Variants in DCC observed in about 807,000 individuals in gnomAD.
The protein encoded by DCC is DCC netrin 1 receptor, also known as netrin receptor DCC.
In DCC, 58 loss-of-function variants were observed where a neutral mutation model predicts 172.5. That is an observed-to-expected ratio of 0.34 (90% confidence interval 0.27 to 0.42). DCC has a LOEUF of 0.42. Among genes scored for constraint, DCC ranks in the 10% least tolerant of loss-of-function variants. DCC has a pLI of 1.00. For missense variants in DCC, 1,740 were observed against 1,791.0 expected (o/e 0.97, Z 0.51); for synonymous variants, 709 against 644.5 (o/e 1.10, Z -1.52).
intron 1 of DCC, among the ~76,000 whole-genome samples, chr18:52,659,818 C>T (rs941884887): frequency 1.3e-5 from 2 of 151,566 alleles, no homozygotes; most frequent in African/African-American, 4.8e-5. Flanking sequence ...CAACAATGCA[C>T]GTTCATTGCA....
rs190741378 is a variant in DCC at position 52,887,378 on chromosome 18, T to C, written c.413-18666T>C. ...AGCCAAACATATTATTTTCTATCCT[T>C]TGTGCTGCCTAATGCTTTATATTAG... On this transcript the variant is annotated intron_variant, in intron 2 of 28. Transcript: ENST00000442544. Among the ~76,000 whole-genome samples, 294 of 152,256 alleles carry C rather than the reference T, an allele frequency of 1.9e-3. 2 individuals are homozygous for C. The highest frequency in any genetic ancestry group is 2.2e-3 in the Non-Finnish European group (149 of 68,016).
intron 13 of DCC, among the ~76,000 whole-genome samples, chr18:53,306,541 A>T (rs899690110): frequency 1.3e-5 from 2 of 152,206 alleles, no homozygotes; most frequent in Admixed American, 1.3e-4. Context: ...TTGAGAAGCC[A>T]CATGAACTAT....
intron 2 of DCC, among the ~76,000 whole-genome samples, chr18:52,898,680 C>T (rs1408338906): frequency 3.4e-5 from 5 of 146,938 alleles, no homozygotes; most frequent in South Asian, 2.2e-4. Flanking sequence ...CCATTCATTG[C>T]CATGGTGATT....
At chr18:52,730,648 T>C (rs1266498457) in intron 1 of DCC, among the ~76,000 whole-genome samples, 1 of 152,172 alleles carries the variant, frequency 6.6e-6, no homozygotes, top group Admixed American at 6.5e-5. Context: ...GAGTACAGCA[T>C]GACCATGCAA....
chr18:52,616,038 C>A (rs1323313451), intron 1 of DCC, among the ~76,000 whole-genome samples: 1 of 152,060 alleles, frequency 6.6e-6, no homozygotes, highest in African/African-American at 2.4e-5. Flanking sequence ...TTTCTGTATA[C>A]CCCTCACTGA....
At chr18:53,250,348 T>C (rs1421697527) in intron 12 of DCC, among the ~76,000 whole-genome samples, 1 of 149,974 alleles carries the variant, frequency 6.7e-6, no homozygotes, top group Non-Finnish European at 1.5e-5. Context: ...ATTTCAGTTT[T>C]CTTTTTTAAT....
At chr18:53,195,131 T>C (rs1337268851) in intron 9 of DCC, among the ~76,000 whole-genome samples, 2 of 152,202 alleles carry the variant, frequency 1.3e-5, no homozygotes. Flanking sequence ...GATACACTAA[T>C]ATCAAGTAGG....
intron 1 of DCC, among the ~76,000 whole-genome samples, chr18:52,599,488 A>T (rs185237100): frequency 8.5e-5 from 13 of 152,130 alleles, no homozygotes; most frequent in African/African-American, 3.1e-4. Context: ...TTCACATGTC[A>T]AGTAATATTA....
intron 9 of DCC, among the ~76,000 whole-genome samples, chr18:53,181,555 T>C (rs2055197279): frequency 6.6e-6 from 1 of 152,156 alleles, no homozygotes; most frequent in South Asian, 2.1e-4. Flanking sequence ...ATTCTGCTAT[T>C]TTAATATAAT....
At chr18:53,156,461 T>A (rs896118552) in intron 7 of DCC, among the ~76,000 whole-genome samples, 2 of 151,326 alleles carry the variant, frequency 1.3e-5, no homozygotes, top group Non-Finnish European at 2.9e-5. Context: ...CCAGCTTGGG[T>A]TGCAGAGCAA....
At chr18:52,803,979 A>T (rs2038040651) in intron 2 of DCC, among the ~76,000 whole-genome samples, 1 of 152,088 alleles carries the variant, frequency 6.6e-6, no homozygotes, top group Non-Finnish European at 1.5e-5. Context: ...GGGCACCAGC[A>T]TGGTGGTGGT....
At chr18:53,418,614 CTAAA>C (rs1049323087) in intron 21 of DCC, among the ~76,000 whole-genome samples, 1 of 151,958 alleles carries the variant, frequency 6.6e-6, no homozygotes, top group Non-Finnish European at 1.5e-5. Flanking sequence ...AAGATGAATC[CTAAA>C]TAAAGAAGCA....
intron 12 of DCC, among the ~76,000 whole-genome samples, chr18:53,301,626 G>T (rs1299740118): frequency 3.3e-5 from 5 of 150,386 alleles, no homozygotes; most frequent in Admixed American, 2.6e-4. Context: ...TTTTTTTTCT[G>T]ACATTTACCT....
chr18:52,608,865 CCT>C (rs2034191147), intron 1 of DCC, among the ~76,000 whole-genome samples: 1 of 152,074 alleles, frequency 6.6e-6, no homozygotes, highest in Non-Finnish European at 1.5e-5. Context: ...TGCCATCTGC[CCT>C]GAGATATGTG....
chr18:52,410,041 C>G (rs187136835), intron 1 of DCC, among the ~76,000 whole-genome samples: 89 of 152,250 alleles, frequency 5.8e-4, no homozygotes, highest in Non-Finnish European at 1.0e-3. Flanking sequence ...ATGCCTGTCT[C>G]TGTAATGCCA....
At chr18:53,264,742 T>C (rs928436867) in intron 12 of DCC, among the ~76,000 whole-genome samples, 2 of 152,050 alleles carry the variant, frequency 1.3e-5, no homozygotes, top group Admixed American at 1.3e-4. Context: ...TCCCTTTAAC[T>C]CAATAATTAT....
At position 52,552,814 on chromosome 18, in the gene DCC, A is replaced by G. The variant is rs73448993; in HGVS notation, c.92-199240A>G. Among the ~76,000 whole-genome samples the G allele has an allele frequency of 6.8e-3, 1,039 of 151,840 alleles. 12 individuals are homozygous for G. Among genetic ancestry groups the G allele is most frequent in the African/African-American group, 0.024 (1,002 of 41,426 alleles). The stretch of plus-strand genomic sequence containing the variant: ...ACATGTGTAGATGTAGGCTACATGT[A>G]AAGAAATAAATGGGCTAAAGGAAAA... On this transcript the variant is annotated intron_variant, in intron 1 of 28. Coordinates refer to ENST00000442544, the MANE Select transcript of DCC (RefSeq NM_005215.4).
chr18:53,332,591 A>T (rs2057542471), intron 14 of DCC, among the ~76,000 whole-genome samples: 1 of 152,140 alleles, frequency 6.6e-6, no homozygotes, highest in African/African-American at 2.4e-5. Flanking sequence ...TAATGATACA[A>T]ATCAATAAGT....
At chr18:53,293,756 G>A (rs1232350361) in intron 12 of DCC, among the ~76,000 whole-genome samples, 1 of 152,190 alleles carries the variant, frequency 6.6e-6, no homozygotes, top group Non-Finnish European at 1.5e-5. Flanking sequence ...CTAGAGAGAT[G>A]TCTGCAGGCT....
Sources: gnomAD v4.1 joint callset for allele counts (sites outside exome capture counted in the v4.1 genomes callset) on GRCh38, gnomAD v4.1.1 for gene constraint, MANE v1.5 for transcripts, NCBI Gene and HGNC (gene_info 2026-07-23, HGNC 2026-07-21) for gene names.